SLC24A3: variants seen among roughly 807,000 people sequenced by gnomAD.
SLC24A3 encodes the protein solute carrier family 24 member 3.
SLC24A3 carries 28 observed loss-of-function variants against 75.8 expected under a neutral mutation model. That is an observed-to-expected ratio of 0.37 (90% CI 0.27 to 0.51). The LOEUF (loss-of-function observed/expected upper bound fraction) is 0.51, where lower values mean the gene tolerates loss of function less well. SLC24A3 is among the 20% of genes least tolerant of loss of function. The pLI is 0.94. For missense variants in SLC24A3, 663 were observed against 847.8 expected (o/e 0.78, Z 2.71); for synonymous variants, 372 against 334.1 (o/e 1.11, Z -1.24).
intron 9 of SLC24A3, among the ~76,000 whole-genome samples, chr20:19,676,104 G>A (rs1461498307): frequency 2.0e-5 from 3 of 152,136 alleles, no homozygotes; most frequent in Non-Finnish European, 2.9e-5. Context: ...AATTCACTAA[G>A]GGCTTCAGAG....
chr20:19,516,036 T>TG (rs1334025554), intron 3 of SLC24A3, among the ~76,000 whole-genome samples: 1 of 152,244 alleles, frequency 6.6e-6, no homozygotes, highest in Non-Finnish European at 1.5e-5. Flanking sequence ...TGTACACGGC[T>TG]TCATTCCCAG....
At position 19,562,146 on chromosome 20, in the gene SLC24A3, G is replaced by T. The variant is rs560349518; in HGVS notation, c.349-17854G>T. Among the ~76,000 whole-genome samples, 3 of 152,254 alleles carry T rather than the reference G, an allele frequency of 2.0e-5. No individual in the cohort carries two copies. The East Asian group carries it at 5.8e-4, about 29-fold the overall frequency. ...CTTCTTGCTTCTTCTGAGCCCTGGG[G>T]AAGGTAACTGGAAGCATGATTAAAT... is the stretch of plus-strand genomic sequence containing the variant. On this transcript the variant is annotated intron_variant, in intron 3 of 16. Transcript: ENST00000328041.
intron 3 of SLC24A3, among the ~76,000 whole-genome samples, chr20:19,555,681 G>A (rs376001249): frequency 2.6e-4 from 40 of 152,204 alleles, no homozygotes; most frequent in African/African-American, 7.5e-4. Flanking sequence ...ACAGAGCATC[G>A]TAAAACCAGT....
At chr20:19,280,155 A>G (rs1210977374) in intron 1 of SLC24A3, among the ~76,000 whole-genome samples, 1 of 152,138 alleles carries the variant, frequency 6.6e-6, no homozygotes, top group Non-Finnish European at 1.5e-5. Context: ...AATGCACTGC[A>G]CTGGCCCCTT....
intron 2 of SLC24A3, among the ~76,000 whole-genome samples, chr20:19,496,211 G>A (rs1988284826): frequency 1.3e-5 from 2 of 152,132 alleles, no homozygotes. Flanking sequence ...CGCAGAGTAA[G>A]CCTAGTCTAG....
chr20:19,656,977 G>A (rs547731601), intron 7 of SLC24A3, among the ~76,000 whole-genome samples: 1 of 152,262 alleles, frequency 6.6e-6, no homozygotes, highest in East Asian at 1.9e-4. Flanking sequence ...TCCCTCACCC[G>A]AGCCTGGTCT....
At chr20:19,554,941 G>A (rs1165709656) in intron 3 of SLC24A3, among the ~76,000 whole-genome samples, 1 of 152,130 alleles carries the variant, frequency 6.6e-6, no homozygotes, top group Non-Finnish European at 1.5e-5. Flanking sequence ...AAGTCCTGAT[G>A]GTTAGCAGGC....
chr20:19,399,333 G>A (rs1292093425), intron 2 of SLC24A3, among the ~76,000 whole-genome samples: 1 of 151,766 alleles, frequency 6.6e-6, no homozygotes, highest in African/African-American at 2.4e-5. Context: ...AGTTTCTTAG[G>A]TTGGAAGCTG....
chr20:19,372,312 A>G (rs369974633), intron 2 of SLC24A3, among the ~76,000 whole-genome samples: 2 of 152,358 alleles, frequency 1.3e-5, no homozygotes, highest in African/African-American at 4.8e-5. Context: ...TAAAGAGACC[A>G]TAAAGGAATC....
intron 6 of SLC24A3, among the ~76,000 whole-genome samples, chr20:19,588,605 A>C (rs1010035291): frequency 6.6e-6 from 1 of 152,230 alleles, no homozygotes; most frequent in African/African-American, 2.4e-5. Context: ...GCTTATAGAG[A>C]GGTTCTTGGC....
At chr20:19,285,394 A>G (rs1309170032) in intron 2 of SLC24A3, among the ~76,000 whole-genome samples, 1 of 146,712 alleles carries the variant, frequency 6.8e-6, no homozygotes, top group Non-Finnish European at 1.5e-5. Flanking sequence ...GGAAGGATCA[A>G]CTGAGCCTGG....
chr20:19,355,729 A>T (rs1261777225), intron 2 of SLC24A3, among the ~76,000 whole-genome samples: 1 of 152,200 alleles, frequency 6.6e-6, no homozygotes, highest in African/African-American at 2.4e-5. Flanking sequence ...CTTTATCCGC[A>T]CATTAGTGGC....
chr20:19,685,483 A>G (rs1344075399), intron 12 of SLC24A3, 122 bp downstream of exon 12: 2 of 1,437,396 alleles, frequency 1.4e-6, no homozygotes, highest in Non-Finnish European at 1.9e-6. Flanking sequence ...ACATGAGACT[A>G]TGTATATCAA....
chr20:19,351,862 A>C (rs896191591), intron 2 of SLC24A3, among the ~76,000 whole-genome samples: 2 of 152,314 alleles, frequency 1.3e-5, no homozygotes, highest in African/African-American at 4.8e-5. Context: ...GTTAGAGAGC[A>C]CAGCTTCAAA....
chr20:19,405,403 A>C (rs570240394), intron 2 of SLC24A3, among the ~76,000 whole-genome samples: 1 of 152,328 alleles, frequency 6.6e-6, no homozygotes, highest in South Asian at 2.1e-4. Flanking sequence ...GTTAGGAAAA[A>C]AGATTAGTGT....
chr20:19,325,777 C>CAT (rs1164485509), intron 2 of SLC24A3, among the ~76,000 whole-genome samples: 2,856 of 57,470 alleles, frequency 0.05, 83 homozygotes, highest in Non-Finnish European at 0.069. Context: ...TATATATATA[C>CAT]ATATATATAT....
intron 2 of SLC24A3, chr20:19,283,034 G>C (rs1210062142): frequency 2.0e-5 from 3 of 152,660 alleles, no homozygotes; most frequent in Non-Finnish European, 2.9e-5. Context: ...GAGAGGAAAG[G>C]CTTCAGGAGG....
intron 16 of SLC24A3, among the ~76,000 whole-genome samples, chr20:19,717,921 T>C (rs2033060381): frequency 6.6e-6 from 1 of 152,206 alleles, no homozygotes; most frequent in Non-Finnish European, 1.5e-5. Context: ...TGTTCCAGGT[T>C]CCCATACGAA....
At chr20:19,380,219 G>A (rs549492058) in intron 2 of SLC24A3, among the ~76,000 whole-genome samples, 16 of 152,294 alleles carry the variant, frequency 1.1e-4, no homozygotes, top group Admixed American at 7.2e-4. Flanking sequence ...TACAGGAAGC[G>A]TATTGACCAG....
Sources: allele counts gnomAD v4.1 joint callset (sites outside exome capture counted in the v4.1 genomes callset), GRCh38; gene constraint gnomAD v4.1.1; transcripts MANE v1.5; gene names NCBI Gene and HGNC (gene_info 2026-07-23, HGNC 2026-07-21).